Variants in TCF12 observed in about 807,000 individuals in gnomAD.
The protein encoded by TCF12 is transcription factor 12.
A neutral mutation model predicts 86.0 loss-of-function variants in TCF12; 45 were observed. That is an observed-to-expected ratio of 0.52 (90% CI 0.41 to 0.67). TCF12 has a LOEUF of 0.67. TCF12 is among the 30% of genes least tolerant of loss of function. The pLI, the probability that TCF12 is intolerant of heterozygous loss-of-function variation, is 0.00. For synonymous variants in TCF12, 330 were observed against 299.6 expected (o/e 1.10, Z -1.05); for missense variants, 881 against 859.9 (o/e 1.02, Z -0.31).
chr15:57,243,488 A>T lies in TCF12; in HGVS notation c.1052A>T (p.His351Leu), dbSNP rs1231861668. Residue 351 changes from histidine to leucine, a missense_variant, in exon 13 of 21, where the codon CAT becomes CTT. By Grantham distance (99) the His-to-Leu change is moderately conservative. Coordinates refer to ENST00000333725, the MANE Select transcript of TCF12 (RefSeq NM_207037.2). ...KALASIYSPDHTSSSFPSNPS... is the reference protein window; with the variant it reads ...KALASIYSPDLTSSSFPSNPS... ...TCTGGTTAGATTTATTCTCCTGACCATACCAGCAGTAGTTTTCCGTCAAAT... is the reference window on the plus strand; with the variant it reads ...TCTGGTTAGATTTATTCTCCTGACCTTACCAGCAGTAGTTTTCCGTCAAAT... The T allele has an allele frequency of 6.2e-7, 1 of 1,613,784 alleles. No homozygotes were observed. The highest frequency in any genetic ancestry group is 8.5e-7 in the Non-Finnish European group (1 of 1,179,876).
At chr15:56,943,891 C>T (rs1595786244) in intron 3 of TCF12, among the ~76,000 whole-genome samples, 3 of 152,160 alleles carry the variant, frequency 2.0e-5, no homozygotes, top group East Asian at 1.9e-4. Flanking sequence ...TCCCCAACCC[C>T]AGGCATTCCA....
intron 3 of TCF12, among the ~76,000 whole-genome samples, chr15:57,061,559 T>TTGA (rs1194772551): frequency 6.6e-6 from 1 of 152,188 alleles, no homozygotes; most frequent in East Asian, 1.9e-4. Context: ...GCTATCATCA[T>TTGA]GCCACTGTAC....
chr15:57,171,896 C>T (rs2055530847), intron 6 of TCF12, among the ~76,000 whole-genome samples: 2 of 152,208 alleles, frequency 1.3e-5, no homozygotes. Context: ...TCATTTATAC[C>T]TCTTAAGCAA....
Position 57,225,956 on chromosome 15 carries a change from AC to A in TCF12, c.580-5193del, listed in dbSNP as rs758126475. Among the ~76,000 whole-genome samples, 25 of 151,546 alleles carry A rather than the reference AC, an allele frequency of 1.6e-4. 1 individual carries two copies. The East Asian group carries it at 1.7e-3, about 11-fold the overall frequency. Reference sequence around the variant, plus strand: ...ACATGTGCCATGTTTGGTGTGCTGCACCCATTAACTTGTCATTTAACATTAG... The same window carrying A: ...ACATGTGCCATGTTTGGTGTGCTGCACCATTAACTTGTCATTTAACATTAG... On this transcript the variant is annotated intron_variant, in intron 8 of 20. Transcript: ENST00000333725.
In TCF12 at chr15:57,059,496, G is replaced by T. The variant is rs537823645; in HGVS notation, c.149-4254G>T. On this transcript the variant is annotated intron_variant, in intron 3 of 20. Coordinates refer to ENST00000333725, the MANE Select transcript of TCF12 (RefSeq NM_207037.2). Reference sequence around the variant, plus strand: ...AACTGAAAATATTTTCCCATTTCCTGTCTTATTTCTCACTTTACCCTAGTC... The same window carrying T: ...AACTGAAAATATTTTCCCATTTCCTTTCTTATTTCTCACTTTACCCTAGTC... Among the ~76,000 whole-genome samples, 128 of 152,092 alleles carry T rather than the reference G, an allele frequency of 8.4e-4. 1 individual carries two copies. Among genetic ancestry groups the T allele is most frequent in the African/African-American group, 2.9e-3 (122 of 41,490 alleles).
chr15:57,156,984 A>T (rs946300262), intron 5 of TCF12, among the ~76,000 whole-genome samples: 2 of 152,214 alleles, frequency 1.3e-5, no homozygotes, highest in African/African-American at 4.8e-5. Flanking sequence ...ATACTGAGAT[A>T]CATTAATGTC....
At chr15:57,154,551 C>A (rs1310151982) in intron 5 of TCF12, among the ~76,000 whole-genome samples, 1 of 152,136 alleles carries the variant, frequency 6.6e-6, no homozygotes, top group African/African-American at 2.4e-5. Flanking sequence ...TTAGACTGTT[C>A]TTTTATGTTT....
Position 57,233,490 on chromosome 15 carries a change from T to C in TCF12, c.971-553T>C, listed in dbSNP as rs558371910. On this transcript the variant is annotated intron_variant, in intron 11 of 20. Transcript: ENST00000333725. Reference sequence around the variant, plus strand: ...AGCACACGTGGCCTCTTTTTTTATTTTTATTCATTTATGTATTTATTTTTG... The same window carrying C: ...AGCACACGTGGCCTCTTTTTTTATTCTTATTCATTTATGTATTTATTTTTG... 2.4e-4 allele frequency among the ~76,000 whole-genome samples: 37 copies of C among 152,198 alleles called. 2 individuals carry two copies. The highest frequency in any genetic ancestry group is 2.2e-3 in the Admixed American group (34 of 15,280).
At chr15:57,144,380 A>T (rs1465561640) in intron 5 of TCF12, among the ~76,000 whole-genome samples, 1 of 152,254 alleles carries the variant, frequency 6.6e-6, no homozygotes. Context: ...TCTGGACCAG[A>T]ACAGGGCGTA....
chr15:57,030,060 A>C (rs933228368), intron 3 of TCF12, among the ~76,000 whole-genome samples: 1 of 108,660 alleles, frequency 9.2e-6, no homozygotes, highest in South Asian at 2.8e-4. Flanking sequence ...TTGTATGAAC[A>C]TAAGTTTTCA....
At chr15:57,118,937 AT>A (rs1567459097) in intron 5 of TCF12, among the ~76,000 whole-genome samples, 2 of 152,034 alleles carry the variant, frequency 1.3e-5, no homozygotes, top group African/African-American at 2.4e-5. Flanking sequence ...CAAAGCTAAC[AT>A]TTTTTTCCTT....
At chr15:57,066,857 A>G (rs1458469774) in intron 4 of TCF12, among the ~76,000 whole-genome samples, 1 of 152,234 alleles carries the variant, frequency 6.6e-6, no homozygotes, top group Non-Finnish European at 1.5e-5. Flanking sequence ...ACACAAAGTC[A>G]TATTGATTGA....
intron 3 of TCF12, among the ~76,000 whole-genome samples, chr15:57,050,676 T>C (rs1441317236): frequency 6.6e-6 from 1 of 152,210 alleles, no homozygotes; most frequent in Non-Finnish European, 1.5e-5. Context: ...TTTAATGCTA[T>C]CTAACAGGTA....
At chr15:57,102,156 G>A (rs181275395) in intron 5 of TCF12, among the ~76,000 whole-genome samples, 21 of 152,232 alleles carry the variant, frequency 1.4e-4, no homozygotes, top group Middle Eastern at 3.4e-3. Context: ...AGCTATATAA[G>A]TACTTATATA....
rs777234282 is a variant in TCF12 at position 56,984,014 on chromosome 15, A to AAAAAAAAAAAAAAAAAAAG, written c.148+62918_148+62919insAAAAAAAAAAAAAAAAGAA. On this transcript the variant is annotated intron_variant, in intron 3 of 20. Coordinates refer to ENST00000333725, the MANE Select transcript of TCF12 (RefSeq NM_207037.2). Reference sequence around the variant, plus strand: ...GAGACCCTGTCTCAAAAAAAAAAAAAAAGAAGAAGAAGAATTTTGGATCAA... The same window carrying AAAAAAAAAAAAAAAAAAAG: ...GAGACCCTGTCTCAAAAAAAAAAAAAAAAAAAAAAAAAAAAAAAGAAGAAGAAGAAGAATTTTGGATCAA... Among the ~76,000 whole-genome samples the AAAAAAAAAAAAAAAAAAAG allele has an allele frequency of 2.6e-3, 270 of 104,212 alleles. 19 individuals are homozygous for AAAAAAAAAAAAAAAAAAAG. The highest frequency in any genetic ancestry group is 7.1e-3 in the African/African-American group (157 of 21,974). The allele number at this position is 104,212 out of a possible 152,430, so 68.4% of individuals were successfully genotyped here.
intron 8 of TCF12, among the ~76,000 whole-genome samples, chr15:57,226,466 C>T (rs540759123): frequency 2.6e-5 from 4 of 152,134 alleles, no homozygotes; most frequent in Middle Eastern, 3.4e-3. Context: ...ATATTTGAGG[C>T]CCACATTAGC....
upstream of TCF12, chr15:56,918,214 T>C (rs1188893550): frequency 4.4e-6 from 2 of 456,248 alleles, no homozygotes; most frequent in South Asian, 1.5e-5. Context: ...TACTCGGGAA[T>C]GGCAGCCTTC....
intron 12 of TCF12, among the ~76,000 whole-genome samples, chr15:57,236,537 A>G (rs2059388064): frequency 6.6e-6 from 1 of 152,172 alleles, no homozygotes; most frequent in Admixed American, 6.5e-5. Context: ...ACACTATGCT[A>G]TTGTCATTAA....
intron 3 of TCF12, among the ~76,000 whole-genome samples, chr15:57,015,657 A>G (rs1283968898): frequency 6.6e-6 from 1 of 152,148 alleles, no homozygotes; most frequent in Non-Finnish European, 1.5e-5. Context: ...TTTGTGGGCT[A>G]CATAGCCCCA....
Sources: gnomAD v4.1 joint callset for allele counts (sites outside exome capture counted in the v4.1 genomes callset) on GRCh38, gnomAD v4.1.1 for gene constraint, MANE v1.5 for transcripts, NCBI Gene and HGNC (gene_info 2026-07-23, HGNC 2026-07-21) for gene names.